MSL2: variants seen among roughly 807,000 people sequenced by gnomAD.
The protein encoded by MSL2 is MSL complex subunit 2.
Under a neutral mutation model 35.8 loss-of-function variants are expected in MSL2, and 2 were observed. The ratio of observed to expected loss-of-function variants is 0.06; its 90% CI spans 0.02 to 0.18. MSL2 has a LOEUF of 0.18. Ranked by LOEUF, MSL2 falls within the 10% of genes least tolerant of loss-of-function variation. MSL2 has a pLI of 1.00. For missense variants in MSL2, 523 were observed against 706.7 expected, an observed-to-expected ratio of 0.74 and a Z score of 2.95; for synonymous variants, 296 against 255.7, an observed-to-expected ratio of 1.16 and a Z score of -1.50.
chr3:136,180,807 A>AC (rs1559969299), intron 1 of MSL2, among the ~76,000 whole-genome samples: 2 of 104,536 alleles, frequency 1.9e-5, no homozygotes, highest in South Asian at 4.3e-4. Flanking sequence ...GGAGGGAGGG[A>AC]GGGAAGGAGG....
chr3:136,192,717 G>T (rs1396533990), intron 1 of MSL2, among the ~76,000 whole-genome samples: 2 of 152,160 alleles, frequency 1.3e-5, no homozygotes, highest in Non-Finnish European at 2.9e-5. Flanking sequence ...TCTACAGGAC[G>T]TGTTGAAACA....
chr3:136,194,662 GAA>G lies in MSL2; in HGVS notation c.142+308_142+309del, dbSNP rs367862548. The G allele has an allele frequency of 6.1e-3, 1,111 of 181,976 alleles. 3 individuals carry two copies. Among genetic ancestry groups the G allele is most frequent in the South Asian group, 7.5e-3 (117 of 15,664 alleles). 11.3% of individuals were successfully genotyped at this position (181,976 alleles called of 1,614,324 possible). Reference sequence around the variant, plus strand: ...ATCAGCTCCCGCGGCAAAGGTTTAAGAAAAAAAAAAAAAAAGCCTTGTGCATG... The same window carrying G: ...ATCAGCTCCCGCGGCAAAGGTTTAAGAAAAAAAAAAAAAGCCTTGTGCATG... On this transcript the variant is annotated intron_variant, in intron 1 of 1. Coordinates refer to ENST00000309993, the MANE Select transcript of MSL2 (RefSeq NM_018133.4).
intron 1 of MSL2, among the ~76,000 whole-genome samples, chr3:136,168,753 T>C (rs1434090793): frequency 2.0e-5 from 3 of 150,510 alleles, no homozygotes; most frequent in Non-Finnish European, 3.0e-5. Flanking sequence ...TTGAGTATAA[T>C]AATAAAAAAA....
At chr3:136,155,439 G>C (rs1041426162) in intron 1 of MSL2, 8 of 159,544 alleles carry the variant, frequency 5.0e-5, no homozygotes, top group African/African-American at 1.9e-4. Context: ...GGGAGGCAGA[G>C]GTTGCAGTGA....
chr3:136,181,154 A>G (rs984487671), intron 1 of MSL2, among the ~76,000 whole-genome samples: 1 of 152,046 alleles, frequency 6.6e-6, no homozygotes, highest in Non-Finnish European at 1.5e-5. Flanking sequence ...TCTGTCTCAA[A>G]AAAAAAGAAA....
intron 1 of MSL2, among the ~76,000 whole-genome samples, chr3:136,160,502 G>A (rs571983427): frequency 2.6e-5 from 4 of 151,172 alleles, no homozygotes; most frequent in African/African-American, 9.7e-5. Context: ...GGCAGTTCAG[G>A]AGTTCGAGAC....
At chr3:136,162,533 T>C (rs961270820) in intron 1 of MSL2, among the ~76,000 whole-genome samples, 9 of 152,154 alleles carry the variant, frequency 5.9e-5, no homozygotes, top group Non-Finnish European at 8.8e-5. Context: ...TGAGCCGAGA[T>C]TGCGCCACTG....
At chr3:136,183,995 A>G (rs1168255421) in intron 1 of MSL2, among the ~76,000 whole-genome samples, 6 of 152,212 alleles carry the variant, frequency 3.9e-5, no homozygotes, top group African/African-American at 1.4e-4. Flanking sequence ...AGATCACATC[A>G]TTAGAATTCT....
intron 1 of MSL2, among the ~76,000 whole-genome samples, chr3:136,172,563 T>C (rs1283397899): frequency 6.6e-6 from 1 of 152,172 alleles, no homozygotes; most frequent in Non-Finnish European, 1.5e-5. Flanking sequence ...TATTCTTCCC[T>C]TGAAATGCTC....
chr3:136,178,989 T>C (rs1940263384), intron 1 of MSL2, among the ~76,000 whole-genome samples: 1 of 146,640 alleles, frequency 6.8e-6, no homozygotes, highest in African/African-American at 2.5e-5. Context: ...CTTTTTTTTT[T>C]TTTTTTTTTT....
At chr3:136,194,206 G>A (rs534149400) in intron 1 of MSL2, among the ~76,000 whole-genome samples, 1 of 152,258 alleles carries the variant, frequency 6.6e-6, no homozygotes, top group South Asian at 2.1e-4. Context: ...CACACGCACA[G>A]TTAACATTCA....
intron 1 of MSL2, among the ~76,000 whole-genome samples, chr3:136,175,241 G>A (rs1376488683): frequency 6.6e-6 from 1 of 152,088 alleles, no homozygotes; most frequent in Admixed American, 6.6e-5. Flanking sequence ...CTATTCAGGA[G>A]GCTGAGGCAG....
rs372296069 is a variant in MSL2, at chr3:136,151,712, T to C, written c.1169A>G (p.Asn390Ser). 3.2e-5 allele frequency: 52 copies of C among 1,614,188 alleles called. No homozygotes were observed. Among genetic ancestry groups the C allele is most frequent in the Middle Eastern group, 1.6e-4 (1 of 6,062 alleles). Residue 390 changes from asparagine (N) to serine (S), a missense_variant, in exon 2 of 2, where the codon AAT (asparagine) becomes AGT (serine). Physicochemically the swap from Asn to Ser is conservative, Grantham distance 46. Coordinates refer to ENST00000309993, the MANE Select transcript of MSL2 (RefSeq NM_018133.4). The surrounding 1 kb of genome is among the most constrained non-coding windows in gnomAD (Gnocchi z 5.2). ...ISLQPIATVP[N>S]GGTTPKISKT... ...GCTGATTTTAGGTGTTGTGCCTCCA[T>C]TGGGAACAGTTGCTATAGGTTGAAG...
intron 1 of MSL2, among the ~76,000 whole-genome samples, chr3:136,194,106 A>G (rs1443018556): frequency 6.6e-6 from 1 of 152,220 alleles, no homozygotes; most frequent in Non-Finnish European, 1.5e-5. Flanking sequence ...TAGAATATTA[A>G]GTGGAGCATG....
chr3:136,156,925 A>G lies in MSL2; in HGVS notation c.143-4187T>C, dbSNP rs568081214. ...GCTATGCAATCCTTTTAACTGTTGAAGAAGAGAAAATGTTCACAATATATT... is the reference window on the plus strand; with the variant it reads ...GCTATGCAATCCTTTTAACTGTTGAGGAAGAGAAAATGTTCACAATATATT... On this transcript the variant is annotated intron_variant, in intron 1 of 1. Coordinates refer to ENST00000309993, the MANE Select transcript of MSL2 (RefSeq NM_018133.4). 5.1e-4 allele frequency among the ~76,000 whole-genome samples: 77 copies of G among 151,552 alleles called. No individual in the cohort carries two copies. In the South Asian group the frequency reaches 7.2e-3, roughly 14 times the overall value.
intron 1 of MSL2, among the ~76,000 whole-genome samples, chr3:136,187,839 C>G (rs1450045333): frequency 5.3e-5 from 8 of 152,044 alleles, no homozygotes; most frequent in African/African-American, 1.9e-4. Flanking sequence ...AAGGGCCTGT[C>G]CACAGAGATT....
intron 1 of MSL2, chr3:136,194,661 A>AG (rs1390151034): frequency 2.0e-5 from 6 of 303,550 alleles, no homozygotes; most frequent in Non-Finnish European, 3.4e-5. Flanking sequence ...CAAAGGTTTA[A>AG]GAAAAAAAAA....
chr3:136,179,671 A>G (rs972104368), intron 1 of MSL2, among the ~76,000 whole-genome samples: 1 of 152,256 alleles, frequency 6.6e-6, no homozygotes, highest in Non-Finnish European at 1.5e-5. Context: ...TTTAATCAGC[A>G]TATTAGGCAA....
chr3:136,184,976 C>T (rs540790610), intron 1 of MSL2, among the ~76,000 whole-genome samples: 8 of 152,046 alleles, frequency 5.3e-5, no homozygotes, highest in African/African-American at 1.9e-4. Flanking sequence ...ACAGTAACCA[C>T]CAACTCATTT....
Sources: gnomAD v4.1 joint callset for allele counts (sites outside exome capture counted in the v4.1 genomes callset) on GRCh38, gnomAD v4.1.1 for gene constraint, Gnocchi (gnomAD v3.1) non-coding constraint, MANE v1.5 for transcripts, NCBI Gene and HGNC (gene_info 2026-07-23, HGNC 2026-07-21) for gene names.